The following UPP1 variants were observed in gnomAD, a reference collection of about 807,000 sequenced individuals.
The protein encoded by UPP1 is UPase 1.
UPP1 carries 25 observed loss-of-function variants against 29.6 expected under a neutral mutation model. The observed-to-expected ratio is 0.85, with a 90% confidence interval of 0.62 to 1.18. UPP1 has a LOEUF of 1.18. Among genes scored for constraint, UPP1 ranks in the 50% most tolerant of loss-of-function variants. The pLI is 0.00. For missense variants in UPP1, 368 were observed against 410.4 expected (o/e 0.90, Z 0.89); for synonymous variants, 165 against 159.8 (o/e 1.03, Z -0.25).
chr7:48,102,638 A>C (rs1792493323), intron 5 of UPP1, among the ~76,000 whole-genome samples: 1 of 152,186 alleles, frequency 6.6e-6, no homozygotes, highest in Non-Finnish European at 1.5e-5. Context: ...TCCTGTGTGT[A>C]AGGCTCCGTG....
intron 4 of UPP1, among the ~76,000 whole-genome samples, chr7:48,100,782 G>A (rs1464034278): frequency 6.6e-6 from 1 of 152,148 alleles, no homozygotes; most frequent in African/African-American, 2.4e-5. Flanking sequence ...AACTTCCCAT[G>A]TGCTTTTAAT....
chr7:48,094,624 TCA>T (rs1220134081), intron 2 of UPP1, 137 bp from the exon 3 acceptor site: 1 of 690,182 alleles, frequency 1.4e-6, no homozygotes, highest in Non-Finnish European at 2.5e-6. Flanking sequence ...TTTCTATTTC[TCA>T]CACAATTCAC....
In UPP1 at chr7:48,105,117, A is replaced by AC. The variant is rs1792657622; in HGVS notation, c.436+1707dup. ...CTCAAGGCGATGGACAGACCTGAGA[A>AC]CAAGAGTCCCAGGCACTCCTAGGAA... On this transcript the variant is annotated intron_variant, in intron 6 of 8. Transcript: ENST00000395564. 3 of 152,440 alleles carry AC rather than the reference A, an allele frequency of 2.0e-5. No homozygotes were observed. The South Asian group carries it at 6.2e-4, about 32-fold the overall frequency. 9.4% of individuals were successfully genotyped at this position (152,440 alleles called of 1,614,324 possible). A position where few individuals can be genotyped will look rare whatever the true frequency, so the allele number is the denominator to read the frequency against.
chr7:48,094,795 G>A lies in UPP1; in HGVS notation c.12G>A (p.Thr4=), dbSNP rs200170041. The A allele has an allele frequency of 1.5e-5, 25 of 1,614,012 alleles. No homozygotes were observed. Among genetic ancestry groups the A allele is most frequent in the African/African-American group, 2.7e-5 (2 of 74,886 alleles). ...CCTCAGTTGGCGGAATGGCGGCCAC[G>A]GGAGCCAATGCAGAGAAAGCTGAAA... MAA[T]GANAEKAESH... is the part of the protein sequence containing the mutation. The change falls in exon 3 of 9, where the codon ACG becomes ACA. Residue 4 remains threonine, a synonymous_variant. Coordinates refer to ENST00000395564, the MANE Select transcript of UPP1 (RefSeq NM_003364.4).
chr7:48,105,453 G>A (rs1792679698), intron 6 of UPP1: 1 of 152,222 alleles, frequency 6.6e-6, no homozygotes, highest in South Asian at 2.1e-4. Flanking sequence ...TGACTTGGGA[G>A]CTCTGGAAAA....
intron 5 of UPP1, among the ~76,000 whole-genome samples, chr7:48,102,950 G>T (rs1792512895): frequency 6.6e-6 from 1 of 152,188 alleles, no homozygotes; most frequent in Non-Finnish European, 1.5e-5. Flanking sequence ...CCTGTGGTGG[G>T]GTGTGGGAGA....
chr7:48,095,708 C>T (rs941617595), intron 3 of UPP1, among the ~76,000 whole-genome samples: 2 of 151,576 alleles, frequency 1.3e-5, no homozygotes, highest in African/African-American at 4.9e-5. Flanking sequence ...CAGTGAGTGG[C>T]GCAATCTCAG....
chr7:48,094,895 C>A, intron 3 of UPP1, 68 bp downstream of exon 3: 1 of 1,554,156 alleles, frequency 6.4e-7, no homozygotes. Flanking sequence ...TATGTTGTGC[C>A]ACACATTTTT....
chr7:48,091,984 A>G (rs963361991), intron 2 of UPP1, among the ~76,000 whole-genome samples: 2 of 152,294 alleles, frequency 1.3e-5, no homozygotes, highest in African/African-American at 4.8e-5. Context: ...TTCCTTTTCT[A>G]CAAACGGGGT....
chr7:48,097,752 A>G (rs1331350470), intron 3 of UPP1, among the ~76,000 whole-genome samples: 1 of 152,194 alleles, frequency 6.6e-6, no homozygotes, highest in African/African-American at 2.4e-5. Context: ...GGAGAATGGA[A>G]ATGTTACTTA....
chr7:48,107,492 G>A lies in UPP1; in HGVS notation c.778G>A (p.Ala260Thr), dbSNP rs753891294. 1.2e-5 allele frequency: 20 copies of A among 1,609,792 alleles called. No homozygotes were observed. The African/African-American group carries it at 1.3e-4, about 11-fold the overall frequency. ...CTCGGTGTTTGCCGCCATGTGCAGC[G>A]CCTGCGGCCTCCAAGGTAAGCGGCA... Reference protein sequence around the residue: ...ESSVFAAMCSACGLQAAVVCV... With the variant: ...ESSVFAAMCSTCGLQAAVVCV... The change falls in exon 8 of 9, where the codon GCC (alanine) becomes ACC (threonine). Residue 260 changes from alanine (A) to threonine (T), a missense_variant. Physicochemically the swap from Ala to Thr is moderately conservative, Grantham distance 58. Coordinates refer to ENST00000395564, the MANE Select transcript of UPP1 (RefSeq NM_003364.4).
At chr7:48,105,761 A>G (rs1792697010) in intron 6 of UPP1, 1 of 152,192 alleles carries the variant, frequency 6.6e-6, no homozygotes, top group Admixed American at 6.5e-5. Flanking sequence ...GGTCCCTCTT[A>G]TAAGGGCACT....
At chr7:48,102,757 G>T (rs758048999) in intron 5 of UPP1, among the ~76,000 whole-genome samples, 3 of 152,152 alleles carry the variant, frequency 2.0e-5, no homozygotes, top group Admixed American at 6.5e-5. Flanking sequence ...TGACACTAGG[G>T]GGGGTGCTCT....
chr7:48,091,288 GTTTT>G (rs34459058), intron 2 of UPP1, among the ~76,000 whole-genome samples: 4 of 144,192 alleles, frequency 2.8e-5, no homozygotes, highest in Non-Finnish European at 6.1e-5. Context: ...AACATCTTCA[GTTTT>G]TTTTTTTTTT....
Position 48,108,351 on chromosome 7 carries a change from G to A in UPP1, c.927G>A (p.Lys309=). The part of the protein sequence containing the change: ...VSYFIKKKLS[K]A Reference sequence around the variant, plus strand: ...ACTTCATCAAGAAGAAACTGAGCAAGGCCTGAGCGCTGCCCTGCACCTCCG... The same window carrying A: ...ACTTCATCAAGAAGAAACTGAGCAAAGCCTGAGCGCTGCCCTGCACCTCCG... Residue 309 remains lysine, a synonymous_variant, in exon 9 of 9, where the codon AAG becomes AAA. Transcript: ENST00000395564. The A allele has an allele frequency of 6.2e-7, 1 of 1,613,476 alleles. No homozygotes were observed. Among genetic ancestry groups the A allele is most frequent in the Non-Finnish European group, 8.5e-7 (1 of 1,179,494 alleles).
At chr7:48,105,853 T>A (rs905152870) in intron 6 of UPP1, 1 of 152,220 alleles carries the variant, frequency 6.6e-6, no homozygotes, top group Non-Finnish European at 1.5e-5. Context: ...CATTTAGGGT[T>A]AGGATTTCAG....
chr7:48,108,459 A>T lies in UPP1; in HGVS notation c.*102A>T. 1 of 1,351,892 alleles carries T rather than the reference A, an allele frequency of 7.4e-7. No homozygotes were observed. The highest frequency in any genetic ancestry group is 9.9e-7 in the Non-Finnish European group (1 of 1,009,728). 83.7% of individuals were successfully genotyped at this position (1,351,892 alleles called of 1,614,324 possible). ...GACTTTGAGCACACTTTACACAAGA[A>T]TCTAGAAAATCAGATCGCGATTAAG... On this transcript the variant is annotated 3_prime_UTR_variant, in exon 9 of 9. Coordinates refer to ENST00000395564, the MANE Select transcript of UPP1 (RefSeq NM_003364.4).
At chr7:48,097,120 G>T (rs1415243922) in intron 3 of UPP1, among the ~76,000 whole-genome samples, 2 of 152,212 alleles carry the variant, frequency 1.3e-5, no homozygotes, top group Middle Eastern at 3.2e-3. Flanking sequence ...GTAGACTAGA[G>T]AAATATTTTT....
At chr7:48,104,992 A>G (rs1044126614) in intron 6 of UPP1, 4 of 152,260 alleles carry the variant, frequency 2.6e-5, no homozygotes, top group Admixed American at 6.5e-5. Context: ...CACAGTTGAT[A>G]ATAAAAGGTG....
Sources: gnomAD v4.1 joint callset for allele counts (sites outside exome capture counted in the v4.1 genomes callset) on GRCh38, gnomAD v4.1.1 for gene constraint, MANE v1.5 for transcripts, NCBI Gene and HGNC (gene_info 2026-07-23, HGNC 2026-07-21) for gene names.